MAST4: variants seen among roughly 807,000 people sequenced by gnomAD.
The protein encoded by MAST4 is microtubule-associated serine/threonine-protein kinase 4.
Under a neutral mutation model 162.7 loss-of-function variants are expected in MAST4, and 89 were observed. The observed-to-expected ratio is 0.55, with a 90% confidence interval of 0.46 to 0.65. The LOEUF is 0.65. MAST4 is among the 30% of genes least tolerant of loss of function. MAST4 has a pLI of 0.00. For synonymous variants in MAST4, 1,479 were observed against 1,361.1 expected (o/e 1.09, Z -1.91); for missense variants, 3,153 against 3,374.0 (o/e 0.93, Z 1.62).
chr5:66,767,739 TAG>T (rs1395177371), intron 2 of MAST4, among the ~76,000 whole-genome samples: 2 of 152,098 alleles, frequency 1.3e-5, no homozygotes, highest in African/African-American at 4.8e-5. Flanking sequence ...GTGGAGAACT[TAG>T]AGTCTGATGT....
At chr5:66,682,646 G>A (rs1245488495) in intron 1 of MAST4, among the ~76,000 whole-genome samples, 1 of 152,228 alleles carries the variant, frequency 6.6e-6, no homozygotes, top group African/African-American at 2.4e-5. Flanking sequence ...TGAGCATTAG[G>A]TATTGTTGCC....
chr5:66,638,886 AT>A (rs1263072407), intron 1 of MAST4, among the ~76,000 whole-genome samples: 1 of 152,144 alleles, frequency 6.6e-6, no homozygotes, highest in African/African-American at 2.4e-5. Context: ...ATTGGGTGCC[AT>A]TTACTGAGAT....
intron 3 of MAST4, among the ~76,000 whole-genome samples, chr5:66,815,838 C>T (rs1756690498): frequency 6.6e-6 from 1 of 152,168 alleles, no homozygotes; most frequent in African/African-American, 2.4e-5. Flanking sequence ...TCACAAACGT[C>T]CTTACCTGCT....
rs372279055 is a variant in MAST4, at chr5:66,644,854, G to C, written c.363+47836G>C. ...ATTGTCATTGCCAGACTCTGACTGT[G>C]GTGGGTATGGCCCACTCTTTTAATT... is the stretch of plus-strand genomic sequence containing the variant. On this transcript the variant is annotated intron_variant, in intron 1 of 28. Coordinates refer to ENST00000403625, the MANE Select transcript of MAST4 (RefSeq NM_001164664.2). 1.8e-4 allele frequency among the ~76,000 whole-genome samples: 27 copies of C among 150,972 alleles called. No individual in the cohort carries two copies. In the East Asian group the frequency reaches 4.1e-3, roughly 23 times the overall value.
intron 1 of MAST4, among the ~76,000 whole-genome samples, chr5:66,735,691 T>C (rs561736897): frequency 6.6e-6 from 1 of 152,280 alleles, no homozygotes. Context: ...TGGAGAGAAG[T>C]ATAGGATTTA....
intron 1 of MAST4, among the ~76,000 whole-genome samples, chr5:66,759,124 G>A (rs1376155348): frequency 5.3e-5 from 8 of 152,174 alleles, no homozygotes; most frequent in Non-Finnish European, 1.2e-4. Flanking sequence ...ATAAAGTGAC[G>A]TAGGGATGTA....
At chr5:67,148,919 AAATTAT>A (rs1431387576) in intron 23 of MAST4, among the ~76,000 whole-genome samples, 1 of 152,192 alleles carries the variant, frequency 6.6e-6, no homozygotes, top group Non-Finnish European at 1.5e-5. Context: ...CCACAGGTCA[AAATTAT>A]AATTAACAGC....
intron 4 of MAST4, among the ~76,000 whole-genome samples, chr5:66,933,653 C>CA (rs1742409385): frequency 6.6e-6 from 1 of 152,152 alleles, no homozygotes; most frequent in Non-Finnish European, 1.5e-5. Context: ...CTGCCTGACA[C>CA]TTGTTCATTA....
chr5:66,792,721 C>T (rs916268600), intron 3 of MAST4, among the ~76,000 whole-genome samples: 7 of 152,014 alleles, frequency 4.6e-5, no homozygotes, highest in African/African-American at 1.7e-4. Flanking sequence ...TTCACATCAG[C>T]CACTCAAAAA....
chr5:66,924,259 C>T (rs528064764), intron 4 of MAST4, among the ~76,000 whole-genome samples: 5 of 152,232 alleles, frequency 3.3e-5, no homozygotes, highest in African/African-American at 1.2e-4. Context: ...GGAAGTAATT[C>T]TAACCTGGAG....
chr5:66,727,429 C>A (rs944713513), intron 1 of MAST4, among the ~76,000 whole-genome samples: 1 of 152,162 alleles, frequency 6.6e-6, no homozygotes, highest in Non-Finnish European at 1.5e-5. Flanking sequence ...TCCAGGTTAT[C>A]CTGCAATGGA....
At chr5:67,129,349 T>C (rs1482874693) in intron 14 of MAST4, among the ~76,000 whole-genome samples, 1 of 152,176 alleles carries the variant, frequency 6.6e-6, no homozygotes, top group Non-Finnish European at 1.5e-5. Flanking sequence ...TGGAAGTAAA[T>C]GTCTCTGAAT....
intron 4 of MAST4, among the ~76,000 whole-genome samples, chr5:66,921,080 T>C (rs1256410902): frequency 6.6e-6 from 1 of 152,012 alleles, no homozygotes; most frequent in Non-Finnish European, 1.5e-5. Flanking sequence ...TGCACTAGAA[T>C]AATAAAGCAA....
rs532222550 is a variant in MAST4, at chr5:67,111,218, G to C, written c.1458+1019G>C. ...CAAAACTCACTTTAAAGTTCCACTGGTTATTAAAGTAATTATAACATCACA... is the reference window on the plus strand; with the variant it reads ...CAAAACTCACTTTAAAGTTCCACTGCTTATTAAAGTAATTATAACATCACA... On this transcript the variant is annotated intron_variant, in intron 11 of 28. Coordinates refer to ENST00000403625, the MANE Select transcript of MAST4 (RefSeq NM_001164664.2). Among the ~76,000 whole-genome samples the C allele has an allele frequency of 2.7e-4, 41 of 152,096 alleles. No homozygotes were observed. In the East Asian group the frequency reaches 7.9e-3, roughly 29 times the overall value.
intron 2 of MAST4, among the ~76,000 whole-genome samples, chr5:66,766,266 A>G (rs1754090369): frequency 6.6e-6 from 1 of 152,134 alleles, no homozygotes. Context: ...CCACGAAGAG[A>G]GTTGTGTTTT....
Position 66,759,843 on chromosome 5 carries a change from C to T in MAST4, c.498C>T (p.Ser166=). The T allele has an allele frequency of 6.2e-7, 1 of 1,613,788 alleles. No individual in the cohort carries two copies. Among genetic ancestry groups the T allele is most frequent in the Non-Finnish European group, 8.5e-7 (1 of 1,179,826 alleles). Residue 166 remains serine (S), a synonymous_variant, in exon 2 of 29, where the codon AGC becomes AGT. Transcript: ENST00000403625. Reference sequence around the variant, plus strand: ...ATGGAAGACAGCTAAGGCGAGGGAGCCTGGGAGGAGCCCTGACTGGTGAGT... The same window carrying T: ...ATGGAAGACAGCTAAGGCGAGGGAGTCTGGGAGGAGCCCTGACTGGTGAGT... ...SEDGRQLRRG[S]LGGALTGRYL... is the part of the protein sequence containing the mutation.
chr5:66,837,892 ATATTTTTTTTTTTTTT>A (rs1304850526), intron 3 of MAST4, among the ~76,000 whole-genome samples: 27 of 34,982 alleles, frequency 7.7e-4, no homozygotes, highest in Middle Eastern at 0.017. Flanking sequence ...ATATATATAT[ATATTTTTTTTTTTTTT>A]TTTTTTTTTA....
At chr5:67,054,115 G>T (rs7734953) in intron 4 of MAST4, among the ~76,000 whole-genome samples, 35,758 of 152,098 alleles carry the variant, frequency 0.24, 4,505 homozygotes, top group African/African-American at 0.29. Context: ...TATCACTTGT[G>T]TGTATGGCAT....
At chr5:67,140,094 C>A (rs752481795) in intron 19 of MAST4, among the ~76,000 whole-genome samples, 2 of 152,174 alleles carry the variant, frequency 1.3e-5, no homozygotes, top group Non-Finnish European at 2.9e-5. Context: ...CTGATAAAAT[C>A]GAGCAACCCA....
Sources: allele counts gnomAD v4.1 joint callset (sites outside exome capture counted in the v4.1 genomes callset), GRCh38; gene constraint gnomAD v4.1.1; transcripts MANE v1.5; gene names NCBI Gene and HGNC (gene_info 2026-07-23, HGNC 2026-07-21).